The following GLB1 variants were observed in gnomAD, a reference collection of about 807,000 sequenced individuals.
The protein encoded by GLB1 is galactosidase beta 1, also known as beta-galactosidase.
In GLB1, 56 loss-of-function variants were observed where a neutral mutation model predicts 74.0. That is an observed-to-expected ratio of 0.76 (90% CI 0.61 to 0.94). The LOEUF (loss-of-function observed/expected upper bound fraction) is 0.94, where lower values mean the gene tolerates loss of function less well. GLB1 is among the 40% of genes least tolerant of loss of function. GLB1 has a pLI of 0.00. For synonymous variants in GLB1, 323 were observed against 323.6 expected (o/e 1.00, Z 0.02); for missense variants, 787 against 845.5 (o/e 0.93, Z 0.86).
At chr3:32,993,461 T>A (rs370866255), downstream of GLB1, among the ~76,000 whole-genome samples, 3 of 149,394 alleles carry the variant, frequency 2.0e-5, no homozygotes, top group Admixed American at 1.3e-4. Flanking sequence ...GCTCAAGTGA[T>A]CCTCCTACCT....
rs746883447 is a variant in GLB1 at position 33,051,756 on chromosome 3, A to C, written c.955+2T>G. The C allele has an allele frequency of 1.2e-6, 2 of 1,614,246 alleles. No individual in the cohort carries two copies. The highest frequency in any genetic ancestry group is 1.7e-6 in the Non-Finnish European group (2 of 1,180,046). ...TTTCTACAGATATTAAAGTGCTCTT[A>C]CCATTCCAATAGGCAAAATTGGTCC... On this transcript the variant is annotated splice_donor_variant, in intron 9 of 15. Transcript: ENST00000307363. LOFTEE classifies it high-confidence loss of function.
At chr3:33,090,723 T>C (rs143050102) in intron 1 of GLB1, 1 of 985,310 alleles carries the variant, frequency 1.0e-6, no homozygotes, top group Admixed American at 6.1e-5. Context: ...AAATTTCTGC[T>C]GCAAAAATGT....
chr3:33,085,878 C>T (rs562173343), intron 1 of GLB1, among the ~76,000 whole-genome samples: 4 of 150,018 alleles, frequency 2.7e-5, no homozygotes, highest in African/African-American at 7.4e-5. Context: ...TTGAGACCAG[C>T]CTGGGCAACA....
chr3:33,015,615 C>T (rs1697208355), intron 14 of GLB1, among the ~76,000 whole-genome samples: 1 of 152,054 alleles, frequency 6.6e-6, no homozygotes, highest in African/African-American at 2.4e-5. Flanking sequence ...TACTGGAGAC[C>T]CAGAGACTAC....
chr3:33,018,856 A>G (rs1210011198), intron 12 of GLB1, among the ~76,000 whole-genome samples: 2 of 152,200 alleles, frequency 1.3e-5, no homozygotes, highest in Admixed American at 1.3e-4. Context: ...AGGGTCATAC[A>G]GGGGATTATA....
intron 1 of GLB1, among the ~76,000 whole-genome samples, chr3:33,079,825 T>C (rs1057493849): frequency 6.6e-6 from 1 of 152,180 alleles, no homozygotes; most frequent in Non-Finnish European, 1.5e-5. Flanking sequence ...TCAGTTGCTC[T>C]GGCTGGAGTG....
At chr3:32,977,696 C>T in the GLB1 span, among the ~76,000 whole-genome samples, 2 of 152,140 alleles carry the variant, frequency 1.3e-5, no homozygotes, top group Non-Finnish European at 2.9e-5. Context: ...TCCTATGCCA[C>T]TTGTCATGAA....
intron 7 of GLB1, among the ~76,000 whole-genome samples, chr3:33,053,122 C>T (rs1699066215): frequency 6.6e-6 from 1 of 152,206 alleles, no homozygotes; most frequent in Non-Finnish European, 1.5e-5. Flanking sequence ...GGCTTAGCCA[C>T]ACACTGGCTA....
intron 15 of GLB1, among the ~76,000 whole-genome samples, chr3:33,010,643 A>G (rs1178696845): frequency 2.0e-5 from 3 of 152,230 alleles, no homozygotes; most frequent in African/African-American, 7.2e-5. Flanking sequence ...TAATTCTGAT[A>G]AAGTCCAATT....
rs1699296241 is a variant in GLB1, at chr3:33,058,193, T to C, written c.629A>G (p.His210Arg). The change falls in exon 6 of 16, where the codon CAT becomes CGT. Residue 210 changes from histidine (H) to arginine (R), a missense_variant. Physicochemically the swap from His to Arg is conservative, Grantham distance 29 (BLOSUM62 0). Coordinates refer to ENST00000307363, the MANE Select transcript of GLB1 (RefSeq NM_000404.4). ...AAACAGAACCACATCATCCCCCAGA[T>C]GGTGGCGAAAGCGCTTCTGCAGGAA... is the stretch of plus-strand genomic sequence containing the variant. ...LRFLQKRFRH[H>R]LGDDVVLFTT... The C allele has an allele frequency of 1.9e-6, 3 of 1,614,092 alleles. No homozygotes were observed. The highest frequency in any genetic ancestry group is 2.5e-6 in the Non-Finnish European group (3 of 1,180,004).
chr3:33,044,404 T>C (rs1698661094), intron 10 of GLB1, among the ~76,000 whole-genome samples: 1 of 151,530 alleles, frequency 6.6e-6, no homozygotes, highest in East Asian at 1.9e-4. Context: ...GCCACAGCAG[T>C]ACTTGAAGGA....
intron 5 of GLB1, among the ~76,000 whole-genome samples, chr3:33,062,799 A>G (rs972884983): frequency 3.3e-5 from 5 of 152,180 alleles, no homozygotes; most frequent in African/African-American, 1.2e-4. Flanking sequence ...AAACAAAAAC[A>G]ATAACAACAA....
intron 1 of GLB1, among the ~76,000 whole-genome samples, chr3:33,073,910 G>C (rs140511590): frequency 2.0e-5 from 3 of 151,842 alleles, no homozygotes; most frequent in African/African-American, 4.8e-5. Flanking sequence ...TATGCTCCCA[G>C]CTACTTGGGA....
the GLB1 span, among the ~76,000 whole-genome samples, chr3:32,982,119 G>T: frequency 6.6e-6 from 1 of 152,162 alleles, no homozygotes; most frequent in Non-Finnish European, 1.5e-5. Context: ...TTTGAGACCA[G>T]CTTGACCAAC....
chr3:33,066,926 C>T (rs1170151277), intron 4 of GLB1, among the ~76,000 whole-genome samples: 1 of 151,850 alleles, frequency 6.6e-6, no homozygotes, highest in Admixed American at 6.6e-5. Context: ...ATAAAAGTGG[C>T]CAGAATATAG....
intron 15 of GLB1, among the ~76,000 whole-genome samples, chr3:33,006,505 C>A (rs1406995713): frequency 3.9e-5 from 6 of 152,064 alleles, no homozygotes; most frequent in African/African-American, 1.4e-4. Flanking sequence ...GGACCACTGG[C>A]ATACAGGACA....
chr3:33,009,697 G>C (rs1696942264), intron 15 of GLB1, among the ~76,000 whole-genome samples: 1 of 152,174 alleles, frequency 6.6e-6, no homozygotes, highest in African/African-American at 2.4e-5. Context: ...AGACTGTGCA[G>C]CCATCATTCA....
At chr3:32,962,401 C>G in the GLB1 span, among the ~76,000 whole-genome samples, 1 of 152,102 alleles carries the variant, frequency 6.6e-6, no homozygotes, top group Non-Finnish European at 1.5e-5. Flanking sequence ...GTGTTAATAA[C>G]AGGGGAAATG....
chr3:32,984,353 C>T, the GLB1 span, among the ~76,000 whole-genome samples: 7,702 of 152,194 alleles, frequency 0.051, 387 homozygotes, highest in East Asian at 0.18. Flanking sequence ...TATACTCCTA[C>T]CCTGACAAGT....
Sources: allele counts gnomAD v4.1 joint callset (sites outside exome capture counted in the v4.1 genomes callset), GRCh38; gene constraint gnomAD v4.1.1; transcripts MANE v1.5; gene names NCBI Gene and HGNC (gene_info 2026-07-23, HGNC 2026-07-21).